USP5: variants seen among roughly 807,000 people sequenced by gnomAD.
USP5 encodes ubiquitin carboxyl-terminal hydrolase 5.
A neutral mutation model predicts 102.5 loss-of-function variants in USP5; 24 were observed. The ratio of observed to expected loss-of-function variants is 0.23; its 90% CI spans 0.17 to 0.33. The LOEUF (loss-of-function observed/expected upper bound fraction) is 0.33. USP5 is among the 10% of genes least tolerant of loss of function. USP5 has a pLI of 1.00. For missense variants in USP5, 753 were observed against 1,122.1 expected (o/e 0.67, Z 4.70); for synonymous variants, 460 against 434.8 (o/e 1.06, Z -0.72).
At chr12:6,862,630 T>A in intron 14 of USP5, 72 bp downstream of exon 14, 1 of 1,381,936 alleles carries the variant, frequency 7.2e-7, no homozygotes, top group Non-Finnish European at 1.0e-6. Flanking sequence ...ACATATAAAC[T>A]AGTGTTTCTC....
At position 6,863,754 on chromosome 12, in the gene USP5, C is replaced by T. The variant is rs1188341077; in HGVS notation, c.1955-76C>T. The T allele has an allele frequency of 6.7e-7, 1 of 1,497,660 alleles. No individual in the cohort carries two copies. The highest frequency in any genetic ancestry group is 8.9e-7 in the Non-Finnish European group (1 of 1,122,498). 92.8% of individuals were successfully genotyped at this position (1,497,660 alleles called of 1,614,324 possible). On this transcript the variant is annotated intron_variant, in intron 15 of 19. Transcript: ENST00000229268. The surrounding 1 kb of genome is among the most constrained non-coding windows in gnomAD (Gnocchi z 4.7). ...CATGGAATGGGTGATTGGAAGAGGGCTGGGTCCTGGGGGAGGGAGGAGGAG... is the reference window on the plus strand; with the variant it reads ...CATGGAATGGGTGATTGGAAGAGGGTTGGGTCCTGGGGGAGGGAGGAGGAG...
At chr12:6,854,046 C>T (rs1280695998) in intron 1 of USP5, among the ~76,000 whole-genome samples, 1 of 151,828 alleles carries the variant, frequency 6.6e-6, no homozygotes, top group Non-Finnish European at 1.5e-5. Flanking sequence ...CCTCCTCCAC[C>T]TTCTCCATCA....
chr12:6,856,583 G>C lies in USP5; in HGVS notation c.585-124G>C, dbSNP rs1944119809. The C allele has an allele frequency of 5.9e-6, 9 of 1,536,834 alleles. No individual in the cohort carries two copies. Among genetic ancestry groups the C allele is most frequent in the Middle Eastern group, 1.7e-4 (1 of 5,722 alleles). On this transcript the variant is annotated intron_variant, in intron 5 of 19. Transcript: ENST00000229268. The surrounding 1 kb of genome is among the most constrained non-coding windows in gnomAD (Gnocchi z 5.6). Reference sequence around the variant, plus strand: ...GAAGCTTGGAAATGAACACGACATGGGGATGGCCAGAGGAGAAGAGAGAGA... The same window carrying C: ...GAAGCTTGGAAATGAACACGACATGCGGATGGCCAGAGGAGAAGAGAGAGA...
At position 6,861,624 on chromosome 12, in the gene USP5, C is replaced by G. The variant is rs1380728279; in HGVS notation, c.1673+7C>G. Reference sequence around the variant, plus strand: ...CCAAGTCAGTAGCTGTCAAGTAAGTCCTCTGGTCGGGGCCTGAGGCTGTGG... The same window carrying G: ...CCAAGTCAGTAGCTGTCAAGTAAGTGCTCTGGTCGGGGCCTGAGGCTGTGG... On this transcript the variant is annotated splice_region_variant and intron_variant, in intron 13 of 19. Coordinates refer to ENST00000229268, the MANE Select transcript of USP5 (RefSeq NM_001098536.2). The surrounding 1 kb of genome is among the most constrained non-coding windows in gnomAD (Gnocchi z 4.9). 11 of 1,544,116 alleles carry G rather than the reference C, an allele frequency of 7.1e-6. No individual in the cohort carries two copies. The highest frequency in any genetic ancestry group is 9.6e-6 in the Non-Finnish European group (11 of 1,141,534).
Position 6,863,144 on chromosome 12 carries a change from G to A in USP5, c.1763-42G>A. The A allele has an allele frequency of 1.3e-6, 2 of 1,564,514 alleles. No individual in the cohort carries two copies. Among genetic ancestry groups the A allele is most frequent in the Non-Finnish European group, 1.7e-6 (2 of 1,156,446 alleles). The stretch of plus-strand genomic sequence containing the variant: ...ATTGAGGTTCCCGAATCACTTTCCA[G>A]GTAGGCCTCCGGGAGCTGCTGAGGT... On this transcript the variant is annotated intron_variant, in intron 14 of 19. Coordinates refer to ENST00000229268, the MANE Select transcript of USP5 (RefSeq NM_001098536.2). The surrounding 1 kb of genome is among the most constrained non-coding windows in gnomAD (Gnocchi z 4.7).
Position 6,855,433 on chromosome 12 carries a change from C to T in USP5, c.144C>T (p.Asn48=). ...ESEGGLYICM[N]TFLGFGKQYV... is the part of the protein sequence containing the mutation. ...AGGGGGGCCTCTACATCTGTATGAA[C>T]ACGTTTCTGGGCTTTGGGAAACAGT... The change falls in exon 2 of 20, where the codon AAC becomes AAT. Residue 48 remains asparagine (N), a synonymous_variant. Transcript: ENST00000229268. This position sits in a 1 kb window ranked among gnomAD's most constrained non-coding sequence, Gnocchi z 4.6. 4 of 1,614,198 alleles carry T rather than the reference C, an allele frequency of 2.5e-6. No individual in the cohort carries two copies. Among genetic ancestry groups the T allele is most frequent in the Non-Finnish European group, 3.4e-6 (4 of 1,180,036 alleles).
At chr12:6,853,493 A>G (rs1161805370) in intron 1 of USP5, among the ~76,000 whole-genome samples, 1 of 152,252 alleles carries the variant, frequency 6.6e-6, no homozygotes, top group Non-Finnish European at 1.5e-5. Flanking sequence ...TGGTGAAATC[A>G]GCATCTTTAA....
At chr12:6,865,844 C>T (rs1415885024) in intron 19 of USP5, 140 bp from the exon 20 acceptor site, 2 of 715,100 alleles carry the variant, frequency 2.8e-6, no homozygotes, top group African/African-American at 1.8e-5. Flanking sequence ...TCCCTTAAGG[C>T]ACATGGTGGC....
rs781912305 is a variant in USP5, at chr12:6,857,613, C to T, written c.770-16C>T. 6.2e-7 allele frequency: 1 copy of T among 1,610,798 alleles called. No homozygotes were observed. Among genetic ancestry groups the T allele is most frequent in the South Asian group, 1.1e-5 (1 of 90,870 alleles). ...TGAGCCACTTCCCCTGATTCTCTTC[C>T]TGCCTCCTGCTCTAGACGTGTACTC... On this transcript the variant is annotated splice_polypyrimidine_tract_variant and intron_variant, in intron 6 of 19. Transcript: ENST00000229268.
Position 6,855,549 on chromosome 12 carries a change from G to T in USP5, c.237+23G>T, listed in dbSNP as rs1555127973. The T allele has an allele frequency of 1.9e-6, 3 of 1,613,306 alleles. No individual in the cohort carries two copies. Among genetic ancestry groups the T allele is most frequent in the South Asian group, 2.2e-5 (2 of 91,002 alleles). ...CCGGTAGGAGCAGGGCTGGGGCAAG[G>T]CCTGGGTACATTGTCTGTTCCATTC... On this transcript the variant is annotated intron_variant, in intron 2 of 19. Coordinates refer to ENST00000229268, the MANE Select transcript of USP5 (RefSeq NM_001098536.2). This position sits in a 1 kb window ranked among gnomAD's most constrained non-coding sequence, Gnocchi z 4.6.
At chr12:6,865,050 C>T in intron 18 of USP5, 114 bp from the exon 19 acceptor site, 2 of 1,270,940 alleles carry the variant, frequency 1.6e-6, no homozygotes, top group South Asian at 1.4e-5. Context: ...CCAGTACCTG[C>T]CTCACATTCC....
Position 6,855,720 on chromosome 12 carries a change from T to C in USP5, c.238-35T>C. On this transcript the variant is annotated intron_variant, in intron 2 of 19. Transcript: ENST00000229268. This position sits in a 1 kb window ranked among gnomAD's most constrained non-coding sequence, Gnocchi z 4.6. ...TCCCGACTTGTTCCTTCGCTCGTGC[T>C]CATTGCTGATCCAGCCCTTCCTGCT... 1 of 1,613,754 alleles carries C rather than the reference T, an allele frequency of 6.2e-7. No individual in the cohort carries two copies. Among genetic ancestry groups the C allele is most frequent in the South Asian group, 1.1e-5 (1 of 91,076 alleles).
Position 6,856,206 on chromosome 12 carries a change from G to C in USP5, c.438+56G>C. ...CTAGAGCAAGATGGGCCAGGGTAGT[G>C]GTGTCTTAGGCAAGCACTGACAAAG... On this transcript the variant is annotated intron_variant, in intron 4 of 19. Coordinates refer to ENST00000229268, the MANE Select transcript of USP5 (RefSeq NM_001098536.2). The surrounding 1 kb of genome is among the most constrained non-coding windows in gnomAD (Gnocchi z 5.6). 3 of 1,610,782 alleles carry C rather than the reference G, an allele frequency of 1.9e-6. No homozygotes were observed. The highest frequency in any genetic ancestry group is 2.5e-6 in the Non-Finnish European group (3 of 1,177,768).
At position 6,861,479 on chromosome 12, in the gene USP5, C is replaced by T. The variant is rs1944276239; in HGVS notation, c.1535C>T (p.Ala512Val). Residue 512 changes from alanine (A) to valine (V), a missense_variant, in exon 13 of 20, where the codon GCC (alanine) becomes GTC (valine). Physicochemically the swap from Ala to Val is moderately conservative, Grantham distance 64 (BLOSUM62 0). Transcript: ENST00000229268. The surrounding 1 kb of genome is among the most constrained non-coding windows in gnomAD (Gnocchi z 4.9). ...LLEYEEKKRQ[A>V]EEEKMALPEL... ...GAGTACGAGGAGAAGAAGCGGCAAG[C>T]CGAAGAGGAGAAGATGGCACTGCCA... 1.3e-6 allele frequency: 2 copies of T among 1,589,060 alleles called. No individual in the cohort carries two copies. The highest frequency in any genetic ancestry group is 1.7e-6 in the Non-Finnish European group (2 of 1,161,898).
At position 6,860,563 on chromosome 12, in the gene USP5, C is replaced by T. The variant is rs1944250001; in HGVS notation, c.1344+72C>T. 1 of 1,598,046 alleles carries T rather than the reference C, an allele frequency of 6.3e-7. No individual in the cohort carries two copies. The highest frequency in any genetic ancestry group is 8.5e-7 in the Non-Finnish European group (1 of 1,176,004). On this transcript the variant is annotated intron_variant, in intron 11 of 19. Coordinates refer to ENST00000229268, the MANE Select transcript of USP5 (RefSeq NM_001098536.2). This position sits in a 1 kb window ranked among gnomAD's most constrained non-coding sequence, Gnocchi z 5.5. ...CGCTCTCCTTCCTGCCCATTTCTCC[C>T]TCTATCAGCCCCAACCCAGTCCCAT...
chr12:6,858,316 A>T lies in USP5; in HGVS notation c.865-108A>T. ...CTCCCATGTTTGAGCCTGTAATTCC[A>T]CAAATTCTAGGCCACAGTTGAGTAT... On this transcript the variant is annotated intron_variant, in intron 7 of 19. Transcript: ENST00000229268. This position sits in a 1 kb window ranked among gnomAD's most constrained non-coding sequence, Gnocchi z 4.2. 8.1e-7 allele frequency: 1 copy of T among 1,233,996 alleles called. No individual in the cohort carries two copies. The highest frequency in any genetic ancestry group is 1.1e-6 in the Non-Finnish European group (1 of 892,712). 76.4% of individuals were successfully genotyped at this position (1,233,996 alleles called of 1,614,324 possible).
chr12:6,852,684 G>A, intron 1 of USP5, among the ~76,000 whole-genome samples: 1 of 152,240 alleles, frequency 6.6e-6, no homozygotes, highest in South Asian at 2.1e-4. Context: ...GGAGTGATGG[G>A]GACGACTCCC....
At chr12:6,857,785 T>C (rs1279543621) in intron 7 of USP5, 62 bp downstream of exon 7, 4 of 1,539,092 alleles carry the variant, frequency 2.6e-6, no homozygotes, top group Non-Finnish European at 3.6e-6. Context: ...CCTTCCTCTT[T>C]GCCTGAGGCT....
chr12:6,861,291 G>A lies in USP5; in HGVS notation c.1499-152G>A. 1 of 1,277,648 alleles carries A rather than the reference G, an allele frequency of 7.8e-7. No homozygotes were observed. The highest frequency in any genetic ancestry group is 1.1e-6 in the Non-Finnish European group (1 of 933,966). The allele number at this position is 1,277,648 out of a possible 1,614,324, so 79.1% of individuals were successfully genotyped here. Reference sequence around the variant, plus strand: ...GGACACTCAGCTTGTTAGCAGAGCTGCATGGAAACAGGCGAGATATATTGG... The same window carrying A: ...GGACACTCAGCTTGTTAGCAGAGCTACATGGAAACAGGCGAGATATATTGG... On this transcript the variant is annotated intron_variant, in intron 12 of 19. Coordinates refer to ENST00000229268, the MANE Select transcript of USP5 (RefSeq NM_001098536.2). This position sits in a 1 kb window ranked among gnomAD's most constrained non-coding sequence, Gnocchi z 4.9.
Sources: allele counts gnomAD v4.1 joint callset (sites outside exome capture counted in the v4.1 genomes callset), GRCh38; gene constraint gnomAD v4.1.1; non-coding constraint Gnocchi (gnomAD v3.1); transcripts MANE v1.5; gene names NCBI Gene and HGNC (gene_info 2026-07-23, HGNC 2026-07-21).